The following BMERB1 variants were observed in gnomAD, a reference collection of about 807,000 sequenced individuals.
The protein encoded by BMERB1 is bMERB domain-containing protein 1.
Under a neutral mutation model 23.6 loss-of-function variants are expected in BMERB1, and 12 were observed. That is an observed-to-expected ratio of 0.51 (90% CI 0.33 to 0.82). The LOEUF (loss-of-function observed/expected upper bound fraction) is 0.82, where lower values mean the gene tolerates loss of function less well. Among genes scored for constraint, BMERB1 ranks in the 40% least tolerant of loss-of-function variants. The probability of loss-of-function intolerance (pLI) is 0.03; values close to 1 mark genes in which losing one functional copy is unlikely to be tolerated. For synonymous variants in BMERB1, 122 were observed against 96.6 expected (o/e 1.26, Z -1.54); for missense variants, 247 against 255.4 (o/e 0.97, Z 0.22).
At chr16:15,562,576 A>G (rs1567499936) in intron 2 of BMERB1, among the ~76,000 whole-genome samples, 1 of 152,018 alleles carries the variant, frequency 6.6e-6, no homozygotes, top group African/African-American at 2.4e-5. Flanking sequence ...CTGTTGTGGG[A>G]GCTGTTCTGT....
chr16:15,519,074 T>C (rs1044840585), intron 2 of BMERB1, among the ~76,000 whole-genome samples: 12 of 140,490 alleles, frequency 8.5e-5, no homozygotes, highest in Non-Finnish European at 1.1e-4. Flanking sequence ...ACAATCCTCT[T>C]ACACACACAC....
chr16:15,465,942 A>C (rs1465592404), intron 1 of BMERB1, among the ~76,000 whole-genome samples: 1 of 152,180 alleles, frequency 6.6e-6, no homozygotes, highest in East Asian at 1.9e-4. Flanking sequence ...TAACTGCTCA[A>C]AGTATTTCTA....
intron 1 of BMERB1, among the ~76,000 whole-genome samples, chr16:15,440,665 A>G (rs2050932043): frequency 6.6e-6 from 1 of 152,138 alleles, no homozygotes; most frequent in South Asian, 2.1e-4. Flanking sequence ...GTAAAAAACG[A>G]CCATCATTTG....
chr16:15,583,598 AG>A (rs2031070510), intron 5 of BMERB1, among the ~76,000 whole-genome samples: 1 of 150,654 alleles, frequency 6.6e-6, no homozygotes, highest in East Asian at 1.9e-4. Flanking sequence ...AAAAAAAAAA[AG>A]GCCATTTCAG....
rs1276834411 is a variant in BMERB1, at chr16:15,526,482, G to A, written c.230+11054G>A. Among the ~76,000 whole-genome samples the A allele has an allele frequency of 3.3e-5, 5 of 151,882 alleles. No individual in the cohort carries two copies. The East Asian group carries it at 5.8e-4, about 18-fold the overall frequency. ...AGATTGAGACCATCCTGGCTAACAC[G>A]GCGAAACCCCGTTTCTACTAAAAAT... is the stretch of plus-strand genomic sequence containing the variant. On this transcript the variant is annotated intron_variant, in intron 2 of 5. Transcript: ENST00000300006.
At chr16:15,515,755 C>T (rs1394493150) in intron 2 of BMERB1, among the ~76,000 whole-genome samples, 1 of 152,164 alleles carries the variant, frequency 6.6e-6, no homozygotes, top group Non-Finnish European at 1.5e-5. Flanking sequence ...ACACTCTGCT[C>T]TCAGATAGGC....
intron 3 of BMERB1, among the ~76,000 whole-genome samples, chr16:15,570,464 G>A (rs1477991921): frequency 1.3e-5 from 2 of 152,198 alleles, no homozygotes; most frequent in East Asian, 3.9e-4. Context: ...GGGGTACGGG[G>A]CTCTGTGTTG....
intron 2 of BMERB1, among the ~76,000 whole-genome samples, chr16:15,519,392 T>C (rs886630145): frequency 4.6e-5 from 7 of 152,116 alleles, no homozygotes; most frequent in East Asian, 3.9e-4. Context: ...GCATTAACTC[T>C]TTTATTTTTA....
chr16:15,572,453 G>A (rs1324299793), intron 3 of BMERB1, among the ~76,000 whole-genome samples: 1 of 152,204 alleles, frequency 6.6e-6, no homozygotes, highest in South Asian at 2.1e-4. Context: ...CAGCTAGTGG[G>A]TATGGGGTTT....
At chr16:15,506,040 CAGAT>C (rs2150945694) in intron 1 of BMERB1, among the ~76,000 whole-genome samples, 1 of 152,186 alleles carries the variant, frequency 6.6e-6, no homozygotes, top group African/African-American at 2.4e-5. Flanking sequence ...GCATTGGGAT[CAGAT>C]AGATCTGGGT....
At chr16:15,495,906 A>G (rs1218252598) in intron 1 of BMERB1, among the ~76,000 whole-genome samples, 1 of 151,550 alleles carries the variant, frequency 6.6e-6, no homozygotes, top group Non-Finnish European at 1.5e-5. Flanking sequence ...CCCTAGTTCC[A>G]GCTGATGTGG....
chr16:15,459,343 A>T (rs545766836), intron 1 of BMERB1, among the ~76,000 whole-genome samples: 1 of 142,238 alleles, frequency 7.0e-6, no homozygotes, highest in South Asian at 2.2e-4. Flanking sequence ...AGACTGGATT[A>T]AAAAAAAAAA....
At chr16:15,505,638 C>G (rs1038355683) in intron 1 of BMERB1, among the ~76,000 whole-genome samples, 2 of 152,030 alleles carry the variant, frequency 1.3e-5, no homozygotes, top group Non-Finnish European at 2.9e-5. Context: ...GCCTGTAATC[C>G]CAGCACTTTG....
chr16:15,468,965 C>CTTTTTTTTT, intron 1 of BMERB1, among the ~76,000 whole-genome samples: 1 of 126,430 alleles, frequency 7.9e-6, no homozygotes, highest in Non-Finnish European at 1.6e-5. Flanking sequence ...CATCTTCACA[C>CTTTTTTTTT]TTTTTTTTTT....
intron 3 of BMERB1, among the ~76,000 whole-genome samples, chr16:15,577,491 G>C (rs1408748945): frequency 1.3e-5 from 2 of 152,146 alleles, no homozygotes; most frequent in African/African-American, 2.4e-5. Flanking sequence ...GAGAGACCGA[G>C]GCAAGTTTTA....
chr16:15,570,928 A>G (rs949514119), intron 3 of BMERB1, among the ~76,000 whole-genome samples: 2 of 151,994 alleles, frequency 1.3e-5, no homozygotes, highest in African/African-American at 2.4e-5. Flanking sequence ...CTAATACCTT[A>G]TAATTAGCAT....
intron 1 of BMERB1, among the ~76,000 whole-genome samples, chr16:15,436,828 A>G (rs531044271): frequency 4.6e-5 from 7 of 152,068 alleles, no homozygotes; most frequent in South Asian, 4.2e-4. Context: ...AGAACTCTAA[A>G]TGCATCATTT....
intron 2 of BMERB1, among the ~76,000 whole-genome samples, chr16:15,519,282 C>T (rs534169629): frequency 8.5e-5 from 13 of 152,274 alleles, no homozygotes; most frequent in African/African-American, 2.2e-4. Flanking sequence ...ACACCTGCTG[C>T]GAAGTAATCA....
At chr16:15,559,515 C>A (rs1598520188) in intron 2 of BMERB1, among the ~76,000 whole-genome samples, 1 of 152,236 alleles carries the variant, frequency 6.6e-6, no homozygotes, top group Admixed American at 6.5e-5. Flanking sequence ...ATGTACTCAT[C>A]TGTAAAATAG....
Sources: allele counts gnomAD v4.1 joint callset (sites outside exome capture counted in the v4.1 genomes callset), GRCh38; gene constraint gnomAD v4.1.1; transcripts MANE v1.5; gene names NCBI Gene and HGNC (gene_info 2026-07-23, HGNC 2026-07-21).